The following HOXA3 variants were observed in gnomAD, a reference collection of about 807,000 sequenced individuals.
HOXA3 encodes the protein homeobox A3.
A neutral mutation model predicts 30.3 loss-of-function variants in HOXA3; 8 were observed. That is an observed-to-expected ratio of 0.26 (90% CI 0.15 to 0.48). The LOEUF is 0.48. HOXA3 is among the 20% of genes least tolerant of loss of function. HOXA3 has a pLI of 0.99. For missense variants in HOXA3, 653 were observed against 614.4 expected, an observed-to-expected ratio of 1.06 and a Z score of -0.66; for synonymous variants, 323 against 273.1, an observed-to-expected ratio of 1.18 and a Z score of -1.80.
At chr7:27,146,775 G>T (rs1197325696) in intron 1 of HOXA3, among the ~76,000 whole-genome samples, 1 of 152,204 alleles carries the variant, frequency 6.6e-6, no homozygotes, top group African/African-American at 2.4e-5. Flanking sequence ...AGAAGCCGGG[G>T]GAGATGAGGG....
At chr7:27,120,017 A>G (rs1311062727) in intron 4 of HOXA3, among the ~76,000 whole-genome samples, 1 of 152,060 alleles carries the variant, frequency 6.6e-6, no homozygotes, top group Non-Finnish European at 1.5e-5. Context: ...GCTGGTTTCC[A>G]AAAAGCGTTC....
In HOXA3 at chr7:27,147,854, A is replaced by G. The variant is rs1357756063; in HGVS notation, c.-494+4434T>C. On this transcript the variant is annotated intron_variant, in intron 1 of 5. Transcript: ENST00000612286. ...TTGTTTCTGGATGGCCGAACGCCAAAAGCGACAGCAGCAAATCGCACCAGC... is the reference window on the plus strand; with the variant it reads ...TTGTTTCTGGATGGCCGAACGCCAAGAGCGACAGCAGCAAATCGCACCAGC... The G allele has an allele frequency of 1.1e-5, 11 of 1,038,040 alleles. No homozygotes were observed. The East Asian group carries it at 2.9e-4, about 27-fold the overall frequency. The allele number at this position is 1,038,040 out of a possible 1,614,324, so 64.3% of individuals were successfully genotyped here.
rs1783012954 is a variant in HOXA3, at chr7:27,152,536, G to C, written c.-742C>G. The C allele has an allele frequency of 8.5e-7, 1 of 1,180,804 alleles. No homozygotes were observed. Among genetic ancestry groups the C allele is most frequent in the Non-Finnish European group, 1.1e-6 (1 of 938,280 alleles). 73.1% of individuals were successfully genotyped at this position (1,180,804 alleles called of 1,614,324 possible). ...GACAAAGCACAGCCGAGCCCGGCTG[G>C]AAGGCAGAGCTCCGAAGCAGGCAGG... On this transcript the variant is annotated 5_prime_UTR_variant, in exon 1 of 6. Transcript: ENST00000612286.
chr7:27,128,577 C>T (rs1785381287), intron 2 of HOXA3: 1 of 152,530 alleles, frequency 6.6e-6, no homozygotes, highest in South Asian at 2.1e-4. Context: ...GTAGCCACAT[C>T]ACAATTTGTA....
At chr7:27,151,337 G>C (rs1444385054) in intron 1 of HOXA3, 13 of 321,552 alleles carry the variant, frequency 4.0e-5, no homozygotes, top group Non-Finnish European at 6.7e-5. Flanking sequence ...CACGCTCTGC[G>C]CTTCCTCCCG....
chr7:27,141,792 C>T (rs1340814126), intron 1 of HOXA3: 6 of 1,599,494 alleles, frequency 3.8e-6, no homozygotes, highest in Non-Finnish European at 5.1e-6. Context: ...TGACACTACG[C>T]GGGATCCGCT....
In HOXA3 at chr7:27,151,552, T is replaced by C. The variant is rs138874296; in HGVS notation, c.-494+736A>G. The C allele has an allele frequency of 4.6e-3, 2,112 of 456,440 alleles. 9 individuals carry two copies. Among genetic ancestry groups the C allele is most frequent in the Middle Eastern group, 0.021 (64 of 3,074 alleles). The allele number at this position is 456,440 out of a possible 1,614,324, so 28.3% of individuals were successfully genotyped here. A position where few individuals can be genotyped will look rare whatever the true frequency, so the allele number is the denominator to read the frequency against. ...TTCCCACCAAGTAACACCCAATTAA[T>C]CCCATCCTCTCCTCCAACACAGAAT... On this transcript the variant is annotated intron_variant, in intron 1 of 5. Transcript: ENST00000612286.
At chr7:27,144,970 C>T (rs979793583) in intron 1 of HOXA3, among the ~76,000 whole-genome samples, 3 of 152,182 alleles carry the variant, frequency 2.0e-5, no homozygotes, top group African/African-American at 7.2e-5. Context: ...GGAGCCTACC[C>T]CGGGCTGTAA....
chr7:27,143,555 T>A (rs1782651688), intron 1 of HOXA3: 1 of 1,608,038 alleles, frequency 6.2e-7, no homozygotes, highest in Non-Finnish European at 8.5e-7. Flanking sequence ...CAACTGGTAG[T>A]CCGGGCCATT....
At chr7:27,116,313 C>A (rs904972614) in intron 4 of HOXA3, 4 of 152,648 alleles carry the variant, frequency 2.6e-5, no homozygotes, top group Non-Finnish European at 5.9e-5. Context: ...GGGCCTCTGG[C>A]GGTTCCAAGG....
intron 2 of HOXA3, chr7:27,129,528 G>A: frequency 6.2e-7 from 1 of 1,614,048 alleles, no homozygotes; most frequent in Non-Finnish European, 8.5e-7. Flanking sequence ...GGGTGTAGGC[G>A]GTTCGAGAGC....
Position 27,152,556 on chromosome 7 carries a change from G to C in HOXA3, c.-762C>G. 8.4e-7 allele frequency: 1 copy of C among 1,189,232 alleles called. No individual in the cohort carries two copies. Among genetic ancestry groups the C allele is most frequent in the Non-Finnish European group, 1.1e-6 (1 of 942,718 alleles). 73.7% of individuals were successfully genotyped at this position (1,189,232 alleles called of 1,614,324 possible). A position where few individuals can be genotyped will look rare whatever the true frequency, so the allele number is the denominator to read the frequency against. ...GGCTGGAAGGCAGAGCTCCGAAGCA[G>C]GCAGGACGGAGCGGAGCAAAAGAAT... On this transcript the variant is annotated 5_prime_UTR_variant, in exon 1 of 6. Transcript: ENST00000612286.
At chr7:27,114,195 C>G (rs1016065981) in intron 4 of HOXA3, among the ~76,000 whole-genome samples, 2 of 151,806 alleles carry the variant, frequency 1.3e-5, no homozygotes, top group Non-Finnish European at 2.9e-5. Flanking sequence ...CCCCCACCCC[C>G]CAACGCCCTC....
At chr7:27,129,148 G>T in intron 2 of HOXA3, 2 of 887,758 alleles carry the variant, frequency 2.3e-6, no homozygotes, top group Non-Finnish European at 3.9e-6. Context: ...GATGGGGAGG[G>T]GTGGATGAGG....
At chr7:27,129,432 G>T (rs750405349) in intron 2 of HOXA3, 1 of 1,614,216 alleles carries the variant, frequency 6.2e-7, no homozygotes, top group Non-Finnish European at 8.5e-7. Flanking sequence ...CAGACAAACA[G>T]AGCGTGTGGG....
chr7:27,135,240 T>A (rs1248981680), intron 2 of HOXA3, among the ~76,000 whole-genome samples: 1 of 152,094 alleles, frequency 6.6e-6, no homozygotes, highest in Non-Finnish European at 1.5e-5. Flanking sequence ...TAGAAAATAT[T>A]CTATTCTGTC....
At chr7:27,109,061 C>T (rs949198247) in intron 5 of HOXA3, among the ~76,000 whole-genome samples, 2 of 152,152 alleles carry the variant, frequency 1.3e-5, no homozygotes, top group Non-Finnish European at 2.9e-5. Flanking sequence ...CCCTGTGGGC[C>T]GGTCTCAGCA....
At chr7:27,130,807 C>A in intron 2 of HOXA3, 1 of 1,445,072 alleles carries the variant, frequency 6.9e-7, no homozygotes, top group Non-Finnish European at 9.5e-7. Context: ...GCCCCTCCCC[C>A]TCCTGCCTCG....
intron 2 of HOXA3, chr7:27,130,011 C>T: frequency 7.7e-7 from 1 of 1,302,224 alleles, no homozygotes; most frequent in Non-Finnish European, 1.1e-6. Flanking sequence ...GATGGGGGCT[C>T]CCCTCCCGAG....
Sources: allele counts gnomAD v4.1 joint callset (sites outside exome capture counted in the v4.1 genomes callset), GRCh38; gene constraint gnomAD v4.1.1; transcripts MANE v1.5; gene names NCBI Gene and HGNC (gene_info 2026-07-23, HGNC 2026-07-21).